EPHA6: variants seen among roughly 807,000 people sequenced by gnomAD.
EPHA6 encodes the protein EPH receptor A6.
EPHA6 carries 50 observed loss-of-function variants against 112.0 expected under a neutral mutation model. That is an observed-to-expected ratio of 0.45 (90% CI 0.36 to 0.56). The LOEUF (loss-of-function observed/expected upper bound fraction) is 0.56. Ranked by LOEUF, EPHA6 falls within the 20% of genes least tolerant of loss-of-function variation. EPHA6 has a pLI of 0.00. For synonymous variants in EPHA6, 529 were observed against 490.7 expected, an observed-to-expected ratio of 1.08 and a Z score of -1.03; for missense variants, 1,280 against 1,417.4, an observed-to-expected ratio of 0.90 and a Z score of 1.56.
intron 2 of EPHA6, among the ~76,000 whole-genome samples, chr3:96,986,047 CTAGCATGTT>C (rs749608935): frequency 2.0e-4 from 31 of 152,158 alleles, no homozygotes; most frequent in African/African-American, 6.3e-4. Flanking sequence ...ACTATGATGC[CTAGCATGTT>C]TTCCCAAAAA....
intron 5 of EPHA6, among the ~76,000 whole-genome samples, chr3:97,324,852 T>A (rs1480749128): frequency 6.6e-6 from 1 of 152,074 alleles, no homozygotes; most frequent in Non-Finnish European, 1.5e-5. Flanking sequence ...GATTCTAAGT[T>A]TTTTAAAGAA....
intron 5 of EPHA6, among the ~76,000 whole-genome samples, chr3:97,252,643 C>T (rs1021217499): frequency 1.8e-4 from 27 of 152,084 alleles, no homozygotes; most frequent in African/African-American, 4.6e-4. Context: ...GACTGCATGG[C>T]TAAGAGTGGG....
At chr3:96,972,910 A>T (rs560068802) in intron 2 of EPHA6, among the ~76,000 whole-genome samples, 1 of 152,332 alleles carries the variant, frequency 6.6e-6, no homozygotes, top group Admixed American at 6.5e-5. Flanking sequence ...GAAGATATAA[A>T]TTTGAGAGAT....
chr3:96,992,105 T>C lies in EPHA6; in HGVS notation c.1114+4112T>C, dbSNP rs138887648. ...TTGCAACTAGCAACATGCTAGTTGCTAGTTTCAACAGCTGTCTGGAAACCT... is the reference window on the plus strand; with the variant it reads ...TTGCAACTAGCAACATGCTAGTTGCCAGTTTCAACAGCTGTCTGGAAACCT... On this transcript the variant is annotated intron_variant, in intron 3 of 17. Coordinates refer to ENST00000389672, the MANE Select transcript of EPHA6 (RefSeq NM_001080448.3). Among the ~76,000 whole-genome samples, 449 of 152,270 alleles carry C rather than the reference T, an allele frequency of 2.9e-3. 4 individuals carry two copies. The highest frequency in any genetic ancestry group is 9.8e-3 in the African/African-American group (406 of 41,558).
intron 3 of EPHA6, among the ~76,000 whole-genome samples, chr3:97,109,656 A>G (rs139267001): frequency 8.0e-4 from 122 of 152,294 alleles, no homozygotes; most frequent in Non-Finnish European, 1.4e-3. Flanking sequence ...GAGAAGCACA[A>G]AACTCCGAGA....
At chr3:96,861,373 G>C (rs1186291426) in intron 1 of EPHA6, among the ~76,000 whole-genome samples, 1 of 151,878 alleles carries the variant, frequency 6.6e-6, no homozygotes, top group Non-Finnish European at 1.5e-5. Flanking sequence ...TATATAGCTT[G>C]AGTGTTTTGC....
At chr3:97,515,072 C>T (rs1487498363) in intron 10 of EPHA6, among the ~76,000 whole-genome samples, 1 of 152,190 alleles carries the variant, frequency 6.6e-6, no homozygotes, top group African/African-American at 2.4e-5. Context: ...ATATCACAGC[C>T]TAAAGACGAT....
At chr3:97,014,702 G>T (rs1384583202) in intron 3 of EPHA6, among the ~76,000 whole-genome samples, 1 of 152,134 alleles carries the variant, frequency 6.6e-6, no homozygotes, top group African/African-American at 2.4e-5. Context: ...ACATTGAAGA[G>T]TCCAGCATTG....
At chr3:97,304,476 A>G (rs547532055) in intron 5 of EPHA6, among the ~76,000 whole-genome samples, 1 of 151,588 alleles carries the variant, frequency 6.6e-6, no homozygotes, top group Admixed American at 6.6e-5. Context: ...GAGGCATCAC[A>G]TTTTCCAACT....
chr3:97,337,304 T>C (rs1354216143), intron 5 of EPHA6, among the ~76,000 whole-genome samples: 1 of 152,116 alleles, frequency 6.6e-6, no homozygotes, highest in Non-Finnish European at 1.5e-5. Flanking sequence ...AAATAGTAAA[T>C]TACATATTTA....
intron 5 of EPHA6, among the ~76,000 whole-genome samples, chr3:97,383,198 G>C (rs2085853785): frequency 6.6e-6 from 1 of 151,970 alleles, no homozygotes; most frequent in African/African-American, 2.4e-5. Flanking sequence ...TTTTTATAGT[G>C]ATCTCTCTAT....
intron 3 of EPHA6, among the ~76,000 whole-genome samples, chr3:97,091,113 C>T (rs1030741283): frequency 1.8e-4 from 27 of 152,094 alleles, no homozygotes; most frequent in Non-Finnish European, 7.4e-5. Flanking sequence ...GGACAACAGG[C>T]ACAAACCAAC....
chr3:97,385,457 G>A (rs1339635156), intron 5 of EPHA6, among the ~76,000 whole-genome samples: 1 of 152,084 alleles, frequency 6.6e-6, no homozygotes, highest in Non-Finnish European at 1.5e-5. Flanking sequence ...TATGTACTTA[G>A]GGAAAAATTA....
At chr3:97,093,880 T>A (rs1157673687) in intron 3 of EPHA6, among the ~76,000 whole-genome samples, 1 of 152,158 alleles carries the variant, frequency 6.6e-6, no homozygotes, top group Non-Finnish European at 1.5e-5. Context: ...GACCAAATAC[T>A]TCCTTTTTGT....
intron 3 of EPHA6, among the ~76,000 whole-genome samples, chr3:97,170,795 A>G (rs887912985): frequency 6.6e-6 from 1 of 152,138 alleles, no homozygotes; most frequent in Admixed American, 6.5e-5. Context: ...GAGGAGACAG[A>G]GAAATAAATT....
intron 5 of EPHA6, among the ~76,000 whole-genome samples, chr3:97,309,504 A>G (rs187928179): frequency 6.6e-6 from 1 of 151,780 alleles, no homozygotes; most frequent in Non-Finnish European, 1.5e-5. Flanking sequence ...AAACTCTAAT[A>G]TGAAAATGGC....
chr3:97,315,434 A>T (rs2081776844), intron 5 of EPHA6, among the ~76,000 whole-genome samples: 1 of 151,744 alleles, frequency 6.6e-6, no homozygotes, highest in Admixed American at 6.6e-5. Flanking sequence ...TGACTTTTAA[A>T]TATCTTCACG....
intron 3 of EPHA6, among the ~76,000 whole-genome samples, chr3:97,073,895 T>C (rs2046434682): frequency 1.3e-5 from 2 of 152,078 alleles, no homozygotes; most frequent in South Asian, 2.1e-4. Context: ...TATCTCACTA[T>C]TGGGATAATT....
intron 11 of EPHA6, among the ~76,000 whole-genome samples, chr3:97,546,008 A>C (rs1468997924): frequency 6.6e-6 from 1 of 151,852 alleles, no homozygotes; most frequent in Non-Finnish European, 1.5e-5. Flanking sequence ...ATGGGTCTTG[A>C]CTCTTTATCC....
Sources: allele counts gnomAD v4.1 joint callset (sites outside exome capture counted in the v4.1 genomes callset), GRCh38; gene constraint gnomAD v4.1.1; transcripts MANE v1.5; gene names NCBI Gene and HGNC (gene_info 2026-07-23, HGNC 2026-07-21).